Variants in KCNG2 observed in about 807,000 individuals in gnomAD.
KCNG2 encodes potassium voltage-gated channel modifier subfamily G member 2.
In KCNG2, 7 loss-of-function variants were observed where a neutral mutation model predicts 12.3. The observed-to-expected ratio is 0.57, with a 90% confidence interval of 0.32 to 1.07. The LOEUF is 1.07. Ranked by LOEUF, KCNG2 falls within the 50% of genes least tolerant of loss-of-function variation. The pLI, the probability that KCNG2 is intolerant of heterozygous loss-of-function variation, is 0.04. For missense variants in KCNG2, 703 were observed against 726.0 expected, an observed-to-expected ratio of 0.97 and a Z score of 0.36; for synonymous variants, 414 against 351.4, an observed-to-expected ratio of 1.18 and a Z score of -1.99.
At chr18:79,832,962 C>T (rs1439020948) in intron 1 of KCNG2, among the ~76,000 whole-genome samples, 2 of 152,188 alleles carry the variant, frequency 1.3e-5, no homozygotes, top group African/African-American at 4.8e-5. Context: ...TGCTATGAGC[C>T]TGGGCTGCAC....
In KCNG2 at chr18:79,864,301, G is replaced by T; in HGVS notation, c.624+10G>T. 1 of 1,518,254 alleles carries T rather than the reference G, an allele frequency of 6.6e-7. No homozygotes were observed. Among genetic ancestry groups the T allele is most frequent in the Non-Finnish European group, 8.8e-7 (1 of 1,139,186 alleles). The allele number at this position is 1,518,254 out of a possible 1,614,324, so 94.0% of individuals were successfully genotyped here. A position where few individuals can be genotyped will look rare whatever the true frequency, so the allele number is the denominator to read the frequency against. On this transcript the variant is annotated intron_variant, in intron 3 of 3. Transcript: ENST00000316249. ...CGCCGAGGAGGAGCGGGTGAGCGCG[G>T]CCGGGGGTGGCGGGGACCGGGCCGG...
chr18:79,805,291 C>T (rs189989919), intron 1 of KCNG2, among the ~76,000 whole-genome samples: 37 of 152,354 alleles, frequency 2.4e-4, no homozygotes, highest in Admixed American at 1.8e-3. Context: ...AACCTCTTCT[C>T]AATTTTCCAA....
At chr18:79,864,558 C>G (rs1284329805) in intron 3 of KCNG2, among the ~76,000 whole-genome samples, 1 of 152,244 alleles carries the variant, frequency 6.6e-6, no homozygotes, top group Non-Finnish European at 1.5e-5. Context: ...TCCGACGCAG[C>G]ATCCGGTCCA....
intron 1 of KCNG2, among the ~76,000 whole-genome samples, chr18:79,837,572 C>T (rs533620189): frequency 1.2e-4 from 19 of 152,348 alleles, no homozygotes; most frequent in East Asian, 3.9e-4. Flanking sequence ...CAGATCTCTA[C>T]GGCAGGGGCA....
At chr18:79,862,386 A>G (rs1166391004) in intron 2 of KCNG2, among the ~76,000 whole-genome samples, 1 of 152,208 alleles carries the variant, frequency 6.6e-6, no homozygotes, top group African/African-American at 2.4e-5. Context: ...GTGGTGGGAC[A>G]TATAGATTCT....
rs114944050 is a variant in KCNG2, at chr18:79,807,200, G to T, written c.-115+9186G>T. Among the ~76,000 whole-genome samples, 1,067 of 152,236 alleles carry T rather than the reference G, an allele frequency of 7.0e-3. 16 individuals carry two copies. The highest frequency in any genetic ancestry group is 0.024 in the African/African-American group (1,014 of 41,530). On this transcript the variant is annotated intron_variant, in intron 1 of 3. Coordinates refer to ENST00000316249, the MANE Select transcript of KCNG2 (RefSeq NM_012283.2). ...CACATGCAGATGGACTGAGGGTTCC[G>T]AGTGGGTGGCTCAGGGATACTGGGA...
chr18:79,801,656 C>T (rs927714348), intron 1 of KCNG2, among the ~76,000 whole-genome samples: 1 of 152,228 alleles, frequency 6.6e-6, no homozygotes, highest in Non-Finnish European at 1.5e-5. Context: ...TTATGGGGCC[C>T]AGTGTAGCTT....
chr18:79,864,757 A>C (rs987030467), intron 3 of KCNG2, among the ~76,000 whole-genome samples: 8 of 149,252 alleles, frequency 5.4e-5, no homozygotes, highest in Non-Finnish European at 8.8e-5. Context: ...TATGGAACCG[A>C]GGTCTGGGTG....
At chr18:79,894,822 A>T (rs1270900504) in intron 3 of KCNG2, among the ~76,000 whole-genome samples, 1 of 151,374 alleles carries the variant, frequency 6.6e-6, no homozygotes, top group Non-Finnish European at 1.5e-5. Flanking sequence ...TACGATTGAT[A>T]TAGTGGGGTC....
intron 3 of KCNG2, among the ~76,000 whole-genome samples, chr18:79,867,633 G>C (rs62103187): frequency 0.1 from 15,521 of 151,010 alleles, 968 homozygotes; most frequent in Middle Eastern, 0.17. Context: ...GGGCCTGGGG[G>C]TTTGTGTTGC....
intron 3 of KCNG2, among the ~76,000 whole-genome samples, chr18:79,873,834 A>G (rs1568266251): frequency 1.3e-5 from 2 of 152,200 alleles, no homozygotes; most frequent in African/African-American, 2.4e-5. Flanking sequence ...GATTTAGCCC[A>G]AAGAAGGCAG....
Position 79,863,999 on chromosome 18 carries a change from A to C in KCNG2, c.332A>C (p.Asp111Ala). Residue 111 changes from aspartate to alanine, a missense_variant, in exon 3 of 4, where the codon GAC becomes GCC. By Grantham distance (126) the Asp-to-Ala change is moderately radical. Transcript: ENST00000316249. ...FRDELAYWGI[D>A]EARLERCCLR... ...GACGAGCTGGCCTACTGGGGCATCG[A>C]CGAGGCGCGCCTGGAGCGCTGCTGC... 1 of 1,197,046 alleles carries C rather than the reference A, an allele frequency of 8.4e-7. No individual in the cohort carries two copies. Among genetic ancestry groups the C allele is most frequent in the Non-Finnish European group, 1.0e-6 (1 of 962,198 alleles). The allele number at this position is 1,197,046 out of a possible 1,614,324, so 74.2% of individuals were successfully genotyped here.
At chr18:79,867,862 G>A (rs532325775) in intron 3 of KCNG2, among the ~76,000 whole-genome samples, 5 of 152,174 alleles carry the variant, frequency 3.3e-5, no homozygotes, top group African/African-American at 7.2e-5. Context: ...CGTCAGCACC[G>A]CAGAGCCCCT....
intron 1 of KCNG2, among the ~76,000 whole-genome samples, chr18:79,818,664 G>A (rs972125406): frequency 1.3e-5 from 2 of 152,192 alleles, no homozygotes; most frequent in African/African-American, 2.4e-5. Flanking sequence ...CAAGGGCTGG[G>A]CACTCTCTGG....
chr18:79,887,569 C>T (rs187898938), intron 3 of KCNG2, among the ~76,000 whole-genome samples: 8 of 152,160 alleles, frequency 5.3e-5, no homozygotes, highest in Admixed American at 5.2e-4. Flanking sequence ...AACCACCCCC[C>T]AGCTGGGCGC....
chr18:79,824,182 A>G (rs2087594493), intron 1 of KCNG2, among the ~76,000 whole-genome samples: 1 of 152,132 alleles, frequency 6.6e-6, no homozygotes, highest in Non-Finnish European at 1.5e-5. Flanking sequence ...TATTTTTTGT[A>G]GAGACAGGGT....
Position 79,832,380 on chromosome 18 carries a change from C to A in KCNG2, c.-114-23999C>A, listed in dbSNP as rs1054428028. Among the ~76,000 whole-genome samples the A allele has an allele frequency of 1.1e-4, 17 of 151,210 alleles. No homozygotes were observed. The East Asian group carries it at 3.1e-3, about 28-fold the overall frequency. On this transcript the variant is annotated intron_variant, in intron 1 of 3. Transcript: ENST00000316249. ...ACCTGTCCATCCTCACCTGCACTCA[C>A]CTGCCCATCCTCACCTGCTCTCATC...
chr18:79,807,802 CGTTATGGG>C (rs1568241437), intron 1 of KCNG2, among the ~76,000 whole-genome samples: 1 of 146,478 alleles, frequency 6.8e-6, no homozygotes, highest in African/African-American at 2.6e-5. Flanking sequence ...CCACACTCCA[CGTTATGGG>C]CCCAGAGTCC....
In KCNG2 at chr18:79,863,895, C is replaced by A; in HGVS notation, c.228C>A (p.Cys76Ter). 6.9e-7 allele frequency: 1 copy of A among 1,446,302 alleles called. No individual in the cohort carries two copies. The highest frequency in any genetic ancestry group is 1.3e-5 in the South Asian group (1 of 75,754). 89.6% of individuals were successfully genotyped at this position (1,446,302 alleles called of 1,614,324 possible). A position where few individuals can be genotyped will look rare whatever the true frequency, so the allele number is the denominator to read the frequency against. ...AGTTCTTCTTCGACCGCAGCCCGTGCGCCTTCCGCGCCATCGTGGCGCTTT... is the reference window on the plus strand; with the variant it reads ...AGTTCTTCTTCGACCGCAGCCCGTGAGCCTTCCGCGCCATCGTGGCGCTTT... ...RDEFFFDRSP[C>*]AFRAIVALLR... The change falls in exon 3 of 4, where the codon TGC becomes TGA. Residue 76 changes from cysteine (C) to a stop codon, truncating the protein, a stop_gained. Coordinates refer to ENST00000316249, the MANE Select transcript of KCNG2 (RefSeq NM_012283.2). LOFTEE classifies it high-confidence loss of function.
Sources: allele counts gnomAD v4.1 joint callset (sites outside exome capture counted in the v4.1 genomes callset), GRCh38; gene constraint gnomAD v4.1.1; transcripts MANE v1.5; gene names NCBI Gene and HGNC (gene_info 2026-07-23, HGNC 2026-07-21).